UAP1: variants seen among roughly 807,000 people sequenced by gnomAD.
UAP1 encodes the protein UDP-N-acetylglucosamine pyrophosphorylase 1.
Under a neutral mutation model 58.5 loss-of-function variants are expected in UAP1, and 25 were observed. The observed-to-expected ratio is 0.43, with a 90% CI of 0.31 to 0.60. The LOEUF is 0.60. Among genes scored for constraint, UAP1 ranks in the 20% least tolerant of loss-of-function variants. The pLI is 0.11. For missense variants in UAP1, 575 were observed against 630.0 expected (o/e 0.91, Z 0.93); for synonymous variants, 208 against 213.0 (o/e 0.98, Z 0.21).
At chr1:162,577,297 C>T (rs760335247) in intron 3 of UAP1, among the ~76,000 whole-genome samples, 16 of 152,004 alleles carry the variant, frequency 1.1e-4, no homozygotes, top group South Asian at 2.1e-4. Flanking sequence ...CACACCCATG[C>T]GCCTCTTCCG....
At chr1:162,582,963 C>CTA (rs1371394889) in intron 5 of UAP1, among the ~76,000 whole-genome samples, 4 of 142,074 alleles carry the variant, frequency 2.8e-5, no homozygotes, top group Non-Finnish European at 4.6e-5. Context: ...TTCCAATACT[C>CTA]TGTGAGTATC....
chr1:162,567,998 A>T (rs1653625782), intron 2 of UAP1, among the ~76,000 whole-genome samples: 1 of 152,158 alleles, frequency 6.6e-6, no homozygotes, highest in Non-Finnish European at 1.5e-5. Context: ...GGGTTTCACC[A>T]TGTTGGCCAG....
At chr1:162,598,006 C>A in intron 10 of UAP1, 148 bp downstream of exon 10, 1 of 660,104 alleles carries the variant, frequency 1.5e-6, no homozygotes, top group Non-Finnish European at 2.6e-6. Context: ...TTTGATTATT[C>A]GACAGTGTAT....
intron 1 of UAP1, among the ~76,000 whole-genome samples, chr1:162,565,542 A>T (rs1653437412): frequency 6.6e-6 from 1 of 152,230 alleles, no homozygotes; most frequent in Admixed American, 6.5e-5. Context: ...ACAACAACAC[A>T]TGATAGTATT....
At chr1:162,563,445 A>G (rs1310332561) in intron 1 of UAP1, among the ~76,000 whole-genome samples, 1 of 151,742 alleles carries the variant, frequency 6.6e-6, no homozygotes, top group Non-Finnish European at 1.5e-5. Flanking sequence ...GCTTACTACA[A>G]CCTCCGCCTC....
intron 5 of UAP1, among the ~76,000 whole-genome samples, chr1:162,584,531 A>T (rs2101802123): frequency 6.6e-6 from 1 of 152,172 alleles, no homozygotes; most frequent in East Asian, 1.9e-4. Context: ...CCCAGGCTGG[A>T]TATGCAGTGG....
intron 3 of UAP1, among the ~76,000 whole-genome samples, chr1:162,577,445 T>G (rs1654268941): frequency 8.2e-6 from 1 of 122,214 alleles, no homozygotes; most frequent in South Asian, 3.1e-4. Flanking sequence ...CTTTTTTTTT[T>G]TTTTTTTTTT....
intron 4 of UAP1, among the ~76,000 whole-genome samples, chr1:162,579,848 A>G (rs985099721): frequency 2.0e-5 from 3 of 152,030 alleles, no homozygotes; most frequent in East Asian, 1.9e-4. Context: ...CTTTCTCTAT[A>G]ACAAGTATTT....
At chr1:162,563,651 C>T (rs911909828) in intron 1 of UAP1, among the ~76,000 whole-genome samples, 8 of 152,238 alleles carry the variant, frequency 5.3e-5, no homozygotes, top group African/African-American at 1.9e-4. Flanking sequence ...GCGTGAGCCA[C>T]CGCGCCCGGC....
intron 2 of UAP1, among the ~76,000 whole-genome samples, chr1:162,575,683 TG>T (rs1557968925): frequency 6.6e-6 from 1 of 150,540 alleles, no homozygotes; most frequent in Non-Finnish European, 1.5e-5. Flanking sequence ...GTGATCTGCC[TG>T]TCTCGTAGTT....
intron 7 of UAP1, 37 bp from the exon 8 acceptor site, chr1:162,590,286 T>G: frequency 3.2e-6 from 5 of 1,556,236 alleles, no homozygotes; most frequent in Non-Finnish European, 4.4e-6. Flanking sequence ...TGTATGCAGT[T>G]TCATAATAAA....
At chr1:162,581,441 A>G in exon 5 of UAP1, 1 of 1,614,028 alleles carries the variant, frequency 6.2e-7, no homozygotes, top group East Asian at 2.2e-5. Context: ...TTCAGAAAGG[A>G]GCAGACTGTG....
chr1:162,567,459 T>C (rs1000158385), intron 2 of UAP1, among the ~76,000 whole-genome samples: 1 of 152,248 alleles, frequency 6.6e-6, no homozygotes, highest in African/African-American at 2.4e-5. Context: ...CTTAACCTAA[T>C]ACTAATTTGT....
At chr1:162,600,397 T>C (rs1319515561), downstream of UAP1, among the ~76,000 whole-genome samples, 1 of 152,188 alleles carries the variant, frequency 6.6e-6, no homozygotes. Flanking sequence ...TCTTTAAATA[T>C]GGGCCATAGA....
chr1:162,565,716 T>C (rs6695928), intron 1 of UAP1, among the ~76,000 whole-genome samples: 69,616 of 152,004 alleles, frequency 0.46, 17,371 homozygotes, highest in Non-Finnish European at 0.55. Flanking sequence ...CTCCACTCAC[T>C]GGTTAGGTTA....
At chr1:162,574,781 T>C (rs1029140956) in intron 2 of UAP1, among the ~76,000 whole-genome samples, 5 of 152,124 alleles carry the variant, frequency 3.3e-5, no homozygotes, top group Admixed American at 1.3e-4. Context: ...GTCTTAGGAA[T>C]GGATTATGGC....
intron 7 of UAP1, among the ~76,000 whole-genome samples, chr1:162,589,966 G>A (rs1027772443): frequency 3.3e-5 from 5 of 151,380 alleles, no homozygotes; most frequent in East Asian, 2.0e-4. Flanking sequence ...GTGAGACTCC[G>A]TCTCAAAAAA....
rs1557983998 is a variant in UAP1, at chr1:162,599,346, G to A, written c.1552G>A (p.Val518Met). The A allele has an allele frequency of 2.5e-6, 4 of 1,610,432 alleles. No homozygotes were observed. The South Asian group carries it at 4.4e-5, about 18-fold the overall frequency. ...CGATGAGAATGGAGTTCATGAGCTGGTGAAAAATGGTATTTGAACCAGATA... is the reference window on the plus strand; with the variant it reads ...CGATGAGAATGGAGTTCATGAGCTGATGAAAAATGGTATTTGAACCAGATA... The change falls in exon 11 of 11, where the codon GTG becomes ATG. Residue 518 changes from valine to methionine, a missense_variant. Val to Met is a conservative substitution (Grantham distance 21). Transcript: ENST00000271469.
intron 2 of UAP1, among the ~76,000 whole-genome samples, chr1:162,571,888 A>C (rs1653888251): frequency 6.6e-6 from 1 of 152,246 alleles, no homozygotes; most frequent in Non-Finnish European, 1.5e-5. Context: ...TACTGTGAAC[A>C]ATAGCTGTAG....
Sources: allele counts gnomAD v4.1 joint callset (sites outside exome capture counted in the v4.1 genomes callset), GRCh38; gene constraint gnomAD v4.1.1; transcripts MANE v1.5; gene names NCBI Gene and HGNC (gene_info 2026-07-23, HGNC 2026-07-21).